PHACTR2: variants seen among roughly 807,000 people sequenced by gnomAD.
PHACTR2 encodes the protein chromosome 6 open reading frame 56.
In PHACTR2, 30 loss-of-function variants were observed where a neutral mutation model predicts 76.0. The observed-to-expected ratio is 0.39, with a 90% CI of 0.30 to 0.54. The LOEUF is 0.54. Ranked by LOEUF, PHACTR2 falls within the 20% of genes least tolerant of loss-of-function variation. PHACTR2 has a pLI of 0.61. For synonymous variants in PHACTR2, 292 were observed against 292.5 expected (o/e 1.00, Z 0.02); for missense variants, 696 against 781.1 (o/e 0.89, Z 1.30).
chr6:143,703,079 C>T (rs566430396), intron 1 of PHACTR2, among the ~76,000 whole-genome samples: 1 of 147,500 alleles, frequency 6.8e-6, no homozygotes, highest in African/African-American at 2.5e-5. Context: ...GAGGCCCAGG[C>T]AGGTGGATCA....
At chr6:143,628,168 C>T (rs1166309305) in intron 1 of PHACTR2, among the ~76,000 whole-genome samples, 1 of 152,232 alleles carries the variant, frequency 6.6e-6, no homozygotes, top group East Asian at 1.9e-4. Context: ...TATGGATGTA[C>T]CACGTTTTGT....
chr6:143,800,596 T>G lies in PHACTR2; in HGVS notation c.1846-6461T>G. Among the ~76,000 whole-genome samples the G allele has an allele frequency of 6.6e-6, 1 of 152,214 alleles. No homozygotes were observed. The highest frequency in any genetic ancestry group is 1.9e-4 in the East Asian group (1 of 5,198). On this transcript the variant is annotated intron_variant, in intron 11 of 12. Transcript: ENST00000440869. This position sits in a 1 kb window ranked among gnomAD's most constrained non-coding sequence, Gnocchi z 4.8. ...TTTTGAGCCTATGTGTGTCTTTGCA[T>G]GTGAGATGGGTCTCCTGAATACAGC... is the stretch of plus-strand genomic sequence containing the variant.
chr6:143,787,544 G>A lies in PHACTR2; in HGVS notation c.1708-1229G>A, dbSNP rs1775582913. On this transcript the variant is annotated intron_variant, in intron 10 of 12. Coordinates refer to ENST00000440869, the MANE Select transcript of PHACTR2 (RefSeq NM_001100164.2). This position sits in a 1 kb window ranked among gnomAD's most constrained non-coding sequence, Gnocchi z 4.6. ...TGAGTGCTTTGAATATTACAGTATTGGCTTAGTTCAGAAGGAAACTGAGGC... is the reference window on the plus strand; with the variant it reads ...TGAGTGCTTTGAATATTACAGTATTAGCTTAGTTCAGAAGGAAACTGAGGC... Among the ~76,000 whole-genome samples the A allele has an allele frequency of 6.6e-6, 1 of 152,158 alleles. No homozygotes were observed. The highest frequency in any genetic ancestry group is 1.5e-5 in the Non-Finnish European group (1 of 68,032).
Position 143,627,881 on chromosome 6 carries a change from A to G in PHACTR2, c.13+19559A>G, listed in dbSNP as rs1437438080. Among the ~76,000 whole-genome samples, 1 of 152,044 alleles carries G rather than the reference A, an allele frequency of 6.6e-6. No individual in the cohort carries two copies. Among genetic ancestry groups the G allele is most frequent in the Non-Finnish European group, 1.5e-5 (1 of 67,994 alleles). On this transcript the variant is annotated intron_variant, in intron 1 of 11. Transcript: ENST00000305766. The surrounding 1 kb of genome is among the most constrained non-coding windows in gnomAD (Gnocchi z 4.3). ...CTCCCAAAGTACAACCACCACTTCT[A>G]TCTGGTTCCAAAGCCTTTTCATCTA... is the stretch of plus-strand genomic sequence containing the variant.
chr6:143,725,820 C>CAA (rs35596471), intron 2 of PHACTR2, among the ~76,000 whole-genome samples: 4 of 131,988 alleles, frequency 3.0e-5, no homozygotes, highest in Non-Finnish European at 4.9e-5. Flanking sequence ...GACTCTGTCT[C>CAA]AAAAAAAAAA....
rs752854619 is a variant in PHACTR2 at position 143,617,053 on chromosome 6, C to A, written c.13+8731C>A. Among the ~76,000 whole-genome samples, 1 of 152,080 alleles carries A rather than the reference C, an allele frequency of 6.6e-6. No homozygotes were observed. The highest frequency in any genetic ancestry group is 6.5e-5 in the Admixed American group (1 of 15,276). ...TTTCAGGAGCCTTTGAAGGGTTTTA[C>A]GAGACTGGGAAGAATGGACTGGAAA... On this transcript the variant is annotated intron_variant, in intron 1 of 11. Transcript: ENST00000305766. This position sits in a 1 kb window ranked among gnomAD's most constrained non-coding sequence, Gnocchi z 4.8.
At position 143,827,116 on chromosome 6, in the gene PHACTR2, C is replaced by T. The variant is rs1388895108; in HGVS notation, c.*3427C>T. ...GTCAAAAAAGGTCCAGTTTTACAGCCTGCAATTAATTCAGGGCTGCGTTGG... is the reference window on the plus strand; with the variant it reads ...GTCAAAAAAGGTCCAGTTTTACAGCTTGCAATTAATTCAGGGCTGCGTTGG... On this transcript the variant is annotated 3_prime_UTR_variant, in exon 13 of 13. Coordinates refer to ENST00000440869, the MANE Select transcript of PHACTR2 (RefSeq NM_001100164.2). 8.9e-5 allele frequency: 12 copies of T among 135,568 alleles called. No homozygotes were observed. The highest frequency in any genetic ancestry group is 8.7e-4 in the Admixed American group (11 of 12,706). The allele number at this position is 135,568 out of a possible 1,614,324, so 8.4% of individuals were successfully genotyped here.
intron 1 of PHACTR2, among the ~76,000 whole-genome samples, chr6:143,657,398 G>A (rs559388297): frequency 6.6e-5 from 10 of 151,976 alleles, no homozygotes; most frequent in South Asian, 4.2e-4. Flanking sequence ...AGTCCCCACC[G>A]AGGCAAACAC....
intron 1 of PHACTR2, among the ~76,000 whole-genome samples, chr6:143,582,787 A>G (rs114779405): frequency 0.013 from 1,932 of 152,318 alleles, 40 homozygotes; most frequent in African/African-American, 0.043. Context: ...TAGCTAAACA[A>G]AACTATTTCA....
intron 1 of PHACTR2, among the ~76,000 whole-genome samples, chr6:143,545,319 C>A (rs575859380): frequency 1.3e-5 from 2 of 152,264 alleles, no homozygotes; most frequent in Admixed American, 6.5e-5. Context: ...CCTCACTTGG[C>A]AACACCTATG....
intron 1 of PHACTR2, among the ~76,000 whole-genome samples, chr6:143,540,745 A>G (rs1213535194): frequency 6.6e-6 from 1 of 152,172 alleles, no homozygotes; most frequent in Admixed American, 6.5e-5. Flanking sequence ...CAAAATCTAT[A>G]CAAAAAAGTT....
At position 143,664,543 on chromosome 6, in the gene PHACTR2, G is replaced by T. The variant is rs1272115568; in HGVS notation, c.14-47473G>T. On this transcript the variant is annotated intron_variant, in intron 1 of 11. Coordinates refer to the PHACTR2 transcript ENST00000305766. The surrounding 1 kb of genome is among the most constrained non-coding windows in gnomAD (Gnocchi z 5.1). ...TCCCCTTCTTTTGTTTAGTGATTTG[G>T]AAGCTTATAGTTATATCTTTCTTAC... Among the ~76,000 whole-genome samples the T allele has an allele frequency of 2.0e-5, 3 of 151,922 alleles. No homozygotes were observed. The highest frequency in any genetic ancestry group is 7.3e-5 in the African/African-American group (3 of 41,352).
Position 143,652,067 on chromosome 6 carries a change from A to C in PHACTR2, c.13+43745A>C, listed in dbSNP as rs1346577818. Reference sequence around the variant, plus strand: ...GAAATTAAAGTTCTGTTGTTTAAGCAAAAAAAAAAAAAAAGGCCGGTAAAC... The same window carrying C: ...GAAATTAAAGTTCTGTTGTTTAAGCCAAAAAAAAAAAAAAGGCCGGTAAAC... On this transcript the variant is annotated intron_variant, in intron 1 of 11. Transcript: ENST00000305766. The surrounding 1 kb of genome is among the most constrained non-coding windows in gnomAD (Gnocchi z 4.5). Among the ~76,000 whole-genome samples the C allele has an allele frequency of 1.7e-5, 1 of 59,388 alleles. No individual in the cohort carries two copies. Among genetic ancestry groups the C allele is most frequent in the African/African-American group, 8.3e-5 (1 of 12,022 alleles). The allele number at this position is 59,388 out of a possible 152,430, so 39.0% of individuals were successfully genotyped here.
Position 143,618,253 on chromosome 6 carries a change from C to T in PHACTR2, c.13+9931C>T, listed in dbSNP as rs1312598844. ...CCTGTTCCACCTTGTACTTCCTGCT[C>T]CAAACACACACACACACACACACAC... On this transcript the variant is annotated intron_variant, in intron 1 of 11. Transcript: ENST00000305766. This position sits in a 1 kb window ranked among gnomAD's most constrained non-coding sequence, Gnocchi z 5.2. Among the ~76,000 whole-genome samples, 1 of 99,414 alleles carries T rather than the reference C, an allele frequency of 1.0e-5. No homozygotes were observed. Among genetic ancestry groups the T allele is most frequent in the Admixed American group, 9.7e-5 (1 of 10,314 alleles). The allele number at this position is 99,414 out of a possible 152,430, so 65.2% of individuals were successfully genotyped here. A position where few individuals can be genotyped will look rare whatever the true frequency, so the allele number is the denominator to read the frequency against.
chr6:143,720,823 G>A (rs542190754), intron 2 of PHACTR2, among the ~76,000 whole-genome samples: 6 of 152,220 alleles, frequency 3.9e-5, no homozygotes, highest in Admixed American at 2.0e-4. Context: ...ATGTTGCCCA[G>A]GCTGGTCTCA....
rs5880566 is a variant in PHACTR2 at position 143,559,690 on chromosome 6, C to CTTTTTTTTTTTTTTTTTTTTTTTTTTTTT, written c.217+22491_217+22519dup. Reference sequence around the variant, plus strand: ...TAAAAATACCAGTGATTTTTCTTTTCTTTTTTTTTTTTTTTTTTTTTTTTT... The same window carrying CTTTTTTTTTTTTTTTTTTTTTTTTTTTTT: ...TAAAAATACCAGTGATTTTTCTTTTCTTTTTTTTTTTTTTTTTTTTTTTTTTTTTTTTTTTTTTTTTTTTTTTTTTTTTT... On this transcript the variant is annotated intron_variant, in intron 1 of 11. Transcript: ENST00000367584. Among the ~76,000 whole-genome samples the CTTTTTTTTTTTTTTTTTTTTTTTTTTTTT allele has an allele frequency of 9.4e-5, 3 of 31,906 alleles. 1 individual carries two copies. Among genetic ancestry groups the CTTTTTTTTTTTTTTTTTTTTTTTTTTTTT allele is most frequent in the African/African-American group, 2.5e-4 (2 of 7,884 alleles). The allele number at this position is 31,906 out of a possible 152,430, so 20.9% of individuals were successfully genotyped here.
chr6:143,569,449 T>C lies in PHACTR2; in HGVS notation c.217+32242T>C, dbSNP rs140739056. On this transcript the variant is annotated intron_variant, in intron 1 of 11. Transcript: ENST00000367584. The stretch of plus-strand genomic sequence containing the variant: ...CAAGCCAATGATATCTGGGGATTAT[T>C]TGTGACAGTGGCACAATTGTGTTTA... Among the ~76,000 whole-genome samples the C allele has an allele frequency of 1.8e-3, 279 of 152,364 alleles. 1 individual carries two copies. The highest frequency in any genetic ancestry group is 6.0e-3 in the African/African-American group (250 of 41,582).
intron 2 of PHACTR2, among the ~76,000 whole-genome samples, chr6:143,746,854 CTT>C (rs924242386): frequency 1.6e-3 from 238 of 151,436 alleles, no homozygotes; most frequent in African/African-American, 5.5e-3. Flanking sequence ...AAAAAAGACT[CTT>C]TGCCCGGTTA....
chr6:143,814,585 G>T, intron 12 of PHACTR2, among the ~76,000 whole-genome samples: 1 of 144,546 alleles, frequency 6.9e-6, no homozygotes, highest in East Asian at 2.1e-4. Context: ...TGGACACATA[G>T]ACATACACAC....
Sources: gnomAD v4.1 joint callset for allele counts (sites outside exome capture counted in the v4.1 genomes callset) on GRCh38, gnomAD v4.1.1 for gene constraint, Gnocchi (gnomAD v3.1) non-coding constraint, MANE v1.5 for transcripts, NCBI Gene and HGNC (gene_info 2026-07-23, HGNC 2026-07-21) for gene names.